The following PPFIA1 variants were observed in gnomAD, a reference collection of about 807,000 sequenced individuals.
The protein encoded by PPFIA1 is liprin-alpha-1.
Under a neutral mutation model 149.9 loss-of-function variants are expected in PPFIA1, and 25 were observed. That is an observed-to-expected ratio of 0.17 (90% CI 0.12 to 0.23). The LOEUF is 0.23. Among genes scored for constraint, PPFIA1 ranks in the 10% least tolerant of loss-of-function variants. PPFIA1 has a pLI of 1.00. For synonymous variants in PPFIA1, 549 were observed against 552.8 expected (o/e 0.99, Z 0.10); for missense variants, 1,362 against 1,506.5 (o/e 0.90, Z 1.59).
Position 70,354,281 on chromosome 11 carries a change from G to T in PPFIA1, c.2164-20G>T. The T allele has an allele frequency of 6.3e-7, 1 of 1,599,206 alleles. No individual in the cohort carries two copies. Among genetic ancestry groups the T allele is most frequent in the Non-Finnish European group, 8.5e-7 (1 of 1,172,404 alleles). On this transcript the variant is annotated intron_variant, in intron 16 of 27. Transcript: ENST00000253925. ...TCACAGTCTGCTGTTAACTAACTTTGCACTTCTCTCACCCCTCAGTTGCCA... is the reference window on the plus strand; with the variant it reads ...TCACAGTCTGCTGTTAACTAACTTTTCACTTCTCTCACCCCTCAGTTGCCA...
intron 16 of PPFIA1, chr11:70,350,048 G>A (rs1359963916): frequency 1.2e-5 from 5 of 433,812 alleles, no homozygotes; most frequent in South Asian, 3.3e-5. Flanking sequence ...AGGTAACCAC[G>A]CAACTGTGTG....
At chr11:70,380,480 G>A (rs2057667668) in intron 26 of PPFIA1, among the ~76,000 whole-genome samples, 1 of 152,092 alleles carries the variant, frequency 6.6e-6, no homozygotes, top group African/African-American at 2.4e-5. Flanking sequence ...GGGAGGCTGG[G>A]GCAGGAGAAT....
intron 10 of PPFIA1, chr11:70,334,697 A>C (rs951423611): frequency 6.6e-6 from 1 of 152,304 alleles, no homozygotes; most frequent in Non-Finnish European, 1.5e-5. Flanking sequence ...ATGTTTTCCC[A>C]GTGCAGAAAT....
At position 70,326,376 on chromosome 11, in the gene PPFIA1, G is replaced by C. The variant is rs1466187526; in HGVS notation, c.708+13G>C. On this transcript the variant is annotated intron_variant, in intron 6 of 27. Transcript: ENST00000253925. ...CACGAGTGGAAAGGCAAGTCTGTAG[G>C]CTTTGTCTTTATTCTGTTTGATTTC... 1 of 1,558,244 alleles carries C rather than the reference G, an allele frequency of 6.4e-7. No individual in the cohort carries two copies. Among genetic ancestry groups the C allele is most frequent in the Non-Finnish European group, 8.8e-7 (1 of 1,135,350 alleles).
intron 8 of PPFIA1, among the ~76,000 whole-genome samples, chr11:70,330,575 A>G (rs1350000221): frequency 1.3e-5 from 2 of 152,190 alleles, no homozygotes; most frequent in Non-Finnish European, 2.9e-5. Context: ...TAGCATTTTT[A>G]CCAAAGGAGC....
chr11:70,324,124 T>A (rs2054126023), intron 2 of PPFIA1, among the ~76,000 whole-genome samples: 1 of 152,244 alleles, frequency 6.6e-6, no homozygotes. Context: ...TTTGGACTTC[T>A]CTGGCTGCTG....
rs1480960768 is a variant in PPFIA1, at chr11:70,356,270, T to C, written c.2582+16T>C. 1 of 1,593,022 alleles carries C rather than the reference T, an allele frequency of 6.3e-7. No individual in the cohort carries two copies. The highest frequency in any genetic ancestry group is 2.2e-5 in the East Asian group (1 of 44,778). Reference sequence around the variant, plus strand: ...TTCAAAAAAAGTAAGCTTTGTGTTATTTCTTCATCTCATTGAATGGTTTTC... The same window carrying C: ...TTCAAAAAAAGTAAGCTTTGTGTTACTTCTTCATCTCATTGAATGGTTTTC... On this transcript the variant is annotated intron_variant, in intron 19 of 27. Coordinates refer to ENST00000253925, the MANE Select transcript of PPFIA1 (RefSeq NM_003626.5).
chr11:70,348,137 CATT>C, intron 15 of PPFIA1, 49 bp from the exon 16 acceptor site: 1 of 1,509,096 alleles, frequency 6.6e-7, no homozygotes, highest in Non-Finnish European at 9.2e-7. Context: ...CATGCAAACA[CATT>C]AATCTGTTTG....
At position 70,274,028 on chromosome 11, in the gene PPFIA1, C is replaced by G. The variant is rs563147644; in HGVS notation, c.264+1592C>G. 7.2e-5 allele frequency among the ~76,000 whole-genome samples: 11 copies of G among 152,314 alleles called. 1 individual carries two copies. The highest frequency in any genetic ancestry group is 2.0e-4 in the Admixed American group (3 of 15,290). Reference sequence around the variant, plus strand: ...TCAGTGATTTGTTTCTGGCACTGCTCAGTGTAGCAGCCTGGGAATGCCTAG... The same window carrying G: ...TCAGTGATTTGTTTCTGGCACTGCTGAGTGTAGCAGCCTGGGAATGCCTAG... On this transcript the variant is annotated intron_variant, in intron 2 of 27. Coordinates refer to ENST00000253925, the MANE Select transcript of PPFIA1 (RefSeq NM_003626.5).
chr11:70,288,137 C>T (rs190181679), intron 2 of PPFIA1, among the ~76,000 whole-genome samples: 176 of 150,632 alleles, frequency 1.2e-3, no homozygotes, highest in African/African-American at 3.8e-3. Flanking sequence ...TGCAGTGGCA[C>T]AATCTGGCTC....
At chr11:70,342,843 G>A (rs550323354) in intron 14 of PPFIA1, among the ~76,000 whole-genome samples, 1 of 150,512 alleles carries the variant, frequency 6.6e-6, no homozygotes, top group Non-Finnish European at 1.5e-5. Context: ...TTAAATCAGG[G>A]TAATTGGGAT....
Position 70,343,823 on chromosome 11 carries a change from G to A in PPFIA1, c.1862G>A (p.Gly621Glu), listed in dbSNP as rs779259044. The change falls in exon 15 of 28, where the codon GGG (glycine) becomes GAG (glutamate). Residue 621 changes from glycine to glutamate, a missense_variant. By Grantham distance (98) the Gly-to-Glu change is moderately conservative. Coordinates refer to ENST00000253925, the MANE Select transcript of PPFIA1 (RefSeq NM_003626.5). The part of the protein sequence containing the change: ...LSSVDLLSPS[G>E]QADAHTLAMM... ...TCAGTTGACCTGCTATCGCCCAGCGGGCAGGCCGACGCGCACACACTAGCC... is the reference window on the plus strand; with the variant it reads ...TCAGTTGACCTGCTATCGCCCAGCGAGCAGGCCGACGCGCACACACTAGCC... The A allele has an allele frequency of 3.1e-6, 5 of 1,614,080 alleles. No individual in the cohort carries two copies. The South Asian group carries it at 5.5e-5, about 18-fold the overall frequency.
rs140279590 is a variant in PPFIA1 at position 70,309,356 on chromosome 11, C to T, written c.265-15046C>T. Among the ~76,000 whole-genome samples, 1,281 of 152,064 alleles carry T rather than the reference C, an allele frequency of 8.4e-3. 17 individuals are homozygous for T. Among genetic ancestry groups the T allele is most frequent in the African/African-American group, 0.029 (1,189 of 41,486 alleles). On this transcript the variant is annotated intron_variant, in intron 2 of 27. Transcript: ENST00000253925. Reference sequence around the variant, plus strand: ...GGCTAATTTGTATTTTTAGTAGAGACGGGGGTTTCTCCATGTCAGTCAAGC... The same window carrying T: ...GGCTAATTTGTATTTTTAGTAGAGATGGGGGTTTCTCCATGTCAGTCAAGC...
At chr11:70,309,656 AAATAAAAAGG>A (rs1591155740) in intron 2 of PPFIA1, among the ~76,000 whole-genome samples, 2 of 152,300 alleles carry the variant, frequency 1.3e-5, no homozygotes, top group South Asian at 2.1e-4. Flanking sequence ...GTTTTCCAAA[AAATAAAAAGG>A]AATAAAAAGG....
At position 70,331,881 on chromosome 11, in the gene PPFIA1, T is replaced by C. The variant is rs774288844; in HGVS notation, c.1078-79T>C. On this transcript the variant is annotated intron_variant, in intron 8 of 27. Transcript: ENST00000253925. ...ATGACTCTCTTAGTCTGTATCTGCATTTCAGTTTGTTTCAATCTGTTAAAA... is the reference window on the plus strand; with the variant it reads ...ATGACTCTCTTAGTCTGTATCTGCACTTCAGTTTGTTTCAATCTGTTAAAA... 14 of 1,459,724 alleles carry C rather than the reference T, an allele frequency of 9.6e-6. No individual in the cohort carries two copies. The Admixed American group carries it at 1.3e-4, about 13-fold the overall frequency. The allele number at this position is 1,459,724 out of a possible 1,614,324, so 90.4% of individuals were successfully genotyped here. A position where few individuals can be genotyped will look rare whatever the true frequency, so the allele number is the denominator to read the frequency against.
chr11:70,298,546 C>T lies in PPFIA1; in HGVS notation c.265-25856C>T, dbSNP rs187866318. The stretch of plus-strand genomic sequence containing the variant: ...CTATAAATGGTTGTTATTAAAAGGC[C>T]CAGGTGCTGCCAGGAAGTGACATTT... On this transcript the variant is annotated intron_variant, in intron 2 of 27. Coordinates refer to ENST00000253925, the MANE Select transcript of PPFIA1 (RefSeq NM_003626.5). Among the ~76,000 whole-genome samples, 450 of 152,174 alleles carry T rather than the reference C, an allele frequency of 3.0e-3. 3 individuals carry two copies. Among genetic ancestry groups the T allele is most frequent in the African/African-American group, 0.011 (437 of 41,484 alleles).
chr11:70,360,020 G>A (rs906401234), intron 19 of PPFIA1, among the ~76,000 whole-genome samples: 1 of 152,246 alleles, frequency 6.6e-6, no homozygotes. Flanking sequence ...ATGGTCCCAT[G>A]TTTGGTCTTA....
intron 21 of PPFIA1, chr11:70,367,617 C>T (rs1445198943): frequency 2.2e-6 from 1 of 454,950 alleles, no homozygotes; most frequent in African/African-American, 2.0e-5. Context: ...GCTAAGGCAG[C>T]CCAGGAGAAG....
chr11:70,284,845 G>A lies in PPFIA1; in HGVS notation c.264+12409G>A, dbSNP rs367842867. ...CTGGAGGGAAGGGAAGAGTGAACAT[G>A]GTAAGGTTGGCTAGGTAGGTTGGGA... is the stretch of plus-strand genomic sequence containing the variant. On this transcript the variant is annotated intron_variant, in intron 2 of 27. Coordinates refer to ENST00000253925, the MANE Select transcript of PPFIA1 (RefSeq NM_003626.5). Among the ~76,000 whole-genome samples, 3 of 152,234 alleles carry A rather than the reference G, an allele frequency of 2.0e-5. No individual in the cohort carries two copies. The East Asian group carries it at 5.8e-4, about 29-fold the overall frequency.
Sources: gnomAD v4.1 joint callset for allele counts (sites outside exome capture counted in the v4.1 genomes callset) on GRCh38, gnomAD v4.1.1 for gene constraint, MANE v1.5 for transcripts, NCBI Gene and HGNC (gene_info 2026-07-23, HGNC 2026-07-21) for gene names.